ARHGAP18: variants seen among roughly 807,000 people sequenced by gnomAD.
ARHGAP18 encodes the protein Rho GTPase activating protein 18, also known as rho GTPase-activating protein 18.
ARHGAP18 carries 67 observed loss-of-function variants against 86.2 expected under a neutral mutation model. The ratio of observed to expected loss-of-function variants is 0.78; its 90% CI spans 0.64 to 0.95. The LOEUF is 0.95. Among genes scored for constraint, ARHGAP18 ranks in the 40% least tolerant of loss-of-function variants. The probability of loss-of-function intolerance (pLI) is 0.00; values close to 1 mark genes in which losing one functional copy is unlikely to be tolerated. For synonymous variants in ARHGAP18, 283 were observed against 280.4 expected (o/e 1.01, Z -0.09); for missense variants, 691 against 780.4 (o/e 0.89, Z 1.37).
intron 10 of ARHGAP18, among the ~76,000 whole-genome samples, chr6:129,605,261 G>T (rs1262751428): frequency 1.3e-5 from 2 of 152,116 alleles, no homozygotes; most frequent in African/African-American, 4.8e-5. Context: ...AACACTTAAA[G>T]TAGATGATAT....
intron 1 of ARHGAP18, among the ~76,000 whole-genome samples, chr6:129,679,702 T>A (rs964986961): frequency 6.6e-6 from 1 of 152,224 alleles, no homozygotes; most frequent in South Asian, 2.1e-4. Context: ...GGTGGTAGGG[T>A]CCTCCTGAAC....
intron 1 of ARHGAP18, among the ~76,000 whole-genome samples, chr6:129,669,461 C>T (rs1328511883): frequency 2.0e-5 from 3 of 150,558 alleles, no homozygotes; most frequent in Non-Finnish European, 3.0e-5. Flanking sequence ...CGTGAGCCAC[C>T]GCGCCCGGCC....
At chr6:129,588,003 A>C (rs762607207) in intron 12 of ARHGAP18, among the ~76,000 whole-genome samples, 1 of 152,192 alleles carries the variant, frequency 6.6e-6, no homozygotes, top group Non-Finnish European at 1.5e-5. Flanking sequence ...TACTTCCCAG[A>C]TACAATGGGG....
At chr6:129,629,281 G>GTATGTA (rs1773134395) in intron 5 of ARHGAP18, 72 bp downstream of exon 5, 2 of 1,252,554 alleles carry the variant, frequency 1.6e-6, no homozygotes, top group Admixed American at 3.9e-5. Flanking sequence ...GCGTGTGTGT[G>GTATGTA]TATGTATATG....
intron 14 of ARHGAP18, among the ~76,000 whole-genome samples, chr6:129,579,513 T>C (rs1292051757): frequency 2.0e-5 from 3 of 152,158 alleles, no homozygotes; most frequent in African/African-American, 7.2e-5. Context: ...TTATTTTAAA[T>C]TTTTAAAAAG....
At chr6:129,582,285 C>T (rs1285509871) in intron 13 of ARHGAP18, among the ~76,000 whole-genome samples, 1 of 152,182 alleles carries the variant, frequency 6.6e-6, no homozygotes, top group Non-Finnish European at 1.5e-5. Flanking sequence ...TGATTGTTTT[C>T]ATGCTATACC....
At chr6:129,686,534 G>A (rs557271482) in intron 1 of ARHGAP18, among the ~76,000 whole-genome samples, 1 of 152,322 alleles carries the variant, frequency 6.6e-6, no homozygotes, top group African/African-American at 2.4e-5. Context: ...ACCCAGAGCT[G>A]CCTTGGCTCC....
chr6:129,643,123 T>G (rs1434487555), intron 1 of ARHGAP18, among the ~76,000 whole-genome samples: 1 of 151,940 alleles, frequency 6.6e-6, no homozygotes, highest in African/African-American at 2.4e-5. Flanking sequence ...TAAAATAATT[T>G]TTTGTTTTAT....
intron 12 of ARHGAP18, among the ~76,000 whole-genome samples, chr6:129,592,855 T>C (rs1788544618): frequency 1.3e-5 from 2 of 152,114 alleles, no homozygotes; most frequent in South Asian, 4.1e-4. Context: ...TTATAAGATA[T>C]CCTTTAAAAT....
chr6:129,661,452 T>C (rs771929816), intron 1 of ARHGAP18, among the ~76,000 whole-genome samples: 1 of 151,698 alleles, frequency 6.6e-6, no homozygotes. Flanking sequence ...ACTTTGTTCA[T>C]TCTACTTTAC....
At chr6:129,655,649 C>CATG (rs10648218) in intron 1 of ARHGAP18, among the ~76,000 whole-genome samples, 21,380 of 151,960 alleles carry the variant, frequency 0.14, 1,618 homozygotes, top group African/African-American at 0.2. Context: ...AAGGCTCTTA[C>CATG]CTCATGAATG....
At chr6:129,662,786 G>T (rs1471248180) in intron 1 of ARHGAP18, among the ~76,000 whole-genome samples, 1 of 152,160 alleles carries the variant, frequency 6.6e-6, no homozygotes, top group Non-Finnish European at 1.5e-5. Flanking sequence ...AACTGAATGT[G>T]TAAGTGAGGA....
chr6:129,650,056 A>G (rs943530524), intron 1 of ARHGAP18, among the ~76,000 whole-genome samples: 17 of 150,176 alleles, frequency 1.1e-4, no homozygotes. Flanking sequence ...GGGATTACAC[A>G]CATGTGCCAC....
chr6:129,642,200 T>C (rs541003509), intron 1 of ARHGAP18, among the ~76,000 whole-genome samples, 182 bp from the exon 2 acceptor site: 1 of 152,280 alleles, frequency 6.6e-6, no homozygotes, highest in Non-Finnish European at 1.5e-5. Flanking sequence ...GAATAAACAG[T>C]TTCATGCTCC....
chr6:129,624,982 A>ATATATAT (rs1321141724), intron 5 of ARHGAP18, among the ~76,000 whole-genome samples: 2 of 109,342 alleles, frequency 1.8e-5, no homozygotes, highest in Non-Finnish European at 1.9e-5. Context: ...TTTATATATA[A>ATATATAT]TATATATTAT....
chr6:129,663,453 C>T (rs1027579270), intron 1 of ARHGAP18, among the ~76,000 whole-genome samples: 6 of 152,186 alleles, frequency 3.9e-5, no homozygotes, highest in Non-Finnish European at 5.9e-5. Flanking sequence ...GTTTCCTACG[C>T]CCCAATAATT....
intron 1 of ARHGAP18, among the ~76,000 whole-genome samples, chr6:129,673,366 A>G (rs916289816): frequency 2.0e-5 from 3 of 152,114 alleles, no homozygotes; most frequent in Non-Finnish European, 2.9e-5. Context: ...AAAAAAAAAA[A>G]AAGTCTTAAA....
In ARHGAP18 at chr6:129,627,555, A is replaced by G. The variant is rs1053484450; in HGVS notation, c.786+1798T>C. On this transcript the variant is annotated intron_variant, in intron 5 of 14. Coordinates refer to ENST00000368149, the MANE Select transcript of ARHGAP18 (RefSeq NM_033515.3). The stretch of plus-strand genomic sequence containing the variant: ...TAAACTACACCAGGGGAATAGTCAG[A>G]GGGGGAAACTCTCCACAATTTAATA... 3.9e-5 allele frequency among the ~76,000 whole-genome samples: 6 copies of G among 152,168 alleles called. No individual in the cohort carries two copies. The South Asian group carries it at 1.0e-3, about 26-fold the overall frequency.
intron 5 of ARHGAP18, among the ~76,000 whole-genome samples, chr6:129,625,154 TA>T (rs1475976725): frequency 0.1 from 404 of 4,020 alleles, 56 homozygotes; most frequent in African/African-American, 0.3. Flanking sequence ...ATATATTATA[TA>T]GATATATATT....
Sources: allele counts gnomAD v4.1 joint callset (sites outside exome capture counted in the v4.1 genomes callset), GRCh38; gene constraint gnomAD v4.1.1; transcripts MANE v1.5; gene names NCBI Gene and HGNC (gene_info 2026-07-23, HGNC 2026-07-21).